The following CYP20A1 variants were observed in gnomAD, a reference collection of about 807,000 sequenced individuals.
CYP20A1 encodes cytochrome P450 family 20 subfamily A member 1.
Under a neutral mutation model 61.4 loss-of-function variants are expected in CYP20A1, and 61 were observed. That is an observed-to-expected ratio of 0.99 (90% CI 0.81 to 1.23). The LOEUF (loss-of-function observed/expected upper bound fraction) is 1.23. Ranked by LOEUF, CYP20A1 falls within the 50% of genes most tolerant of loss-of-function variation. The pLI, the probability that CYP20A1 is intolerant of heterozygous loss-of-function variation, is 0.00. For missense variants in CYP20A1, 530 were observed against 542.4 expected (o/e 0.98, Z 0.23); for synonymous variants, 193 against 188.2 (o/e 1.03, Z -0.21).
In CYP20A1 at chr2:203,283,211, A is replaced by ATTT. The variant is rs371972851; in HGVS notation, c.851-2380_851-2378dup. Among the ~76,000 whole-genome samples the ATTT allele has an allele frequency of 4.2e-3, 351 of 83,408 alleles. 1 individual carries two copies. Among genetic ancestry groups the ATTT allele is most frequent in the Middle Eastern group, 0.011 (1 of 88 alleles). 54.7% of individuals were successfully genotyped at this position (83,408 alleles called of 152,430 possible). ...CCACAAACCAAAAGTCAATGTGAGA[A>ATTT]TTTTTTTTTTTTTTTTTTTTTTTGA... On this transcript the variant is annotated intron_variant, in intron 8 of 12. Coordinates refer to ENST00000356079, the MANE Select transcript of CYP20A1 (RefSeq NM_177538.3).
chr2:203,291,582 T>A (rs2068534202), intron 10 of CYP20A1, among the ~76,000 whole-genome samples: 1 of 152,182 alleles, frequency 6.6e-6, no homozygotes, highest in Non-Finnish European at 1.5e-5. Context: ...CTAGTGAGCT[T>A]ATATATATTT....
Position 203,298,533 on chromosome 2 carries a change from C to CA in CYP20A1, c.*1643dup, listed in dbSNP as rs76767556. ...TGAAACCCCGTCTCTACTAAAAATA[C>CA]AAAAAAAAAAAAAAAAAATTAGCCA... On this transcript the variant is annotated 3_prime_UTR_variant, in exon 13 of 13. Transcript: ENST00000356079. Among the ~76,000 whole-genome samples, 103,291 of 124,552 alleles carry CA rather than the reference C, an allele frequency of 0.83. 42,642 individuals carry two copies. Among genetic ancestry groups the CA allele is most frequent in the Non-Finnish European group, 0.86 (52,589 of 61,422 alleles). 81.7% of individuals were successfully genotyped at this position (124,552 alleles called of 152,430 possible).
intron 2 of CYP20A1, among the ~76,000 whole-genome samples, chr2:203,246,454 A>C (rs548473067): frequency 1.3e-5 from 2 of 152,360 alleles, no homozygotes; most frequent in African/African-American, 4.8e-5. Context: ...TTGTCATCTC[A>C]GAATTAGGTG....
intron 5 of CYP20A1, 138 bp from the exon 6 acceptor site, chr2:203,272,532 A>C (rs1417604689): frequency 1.4e-5 from 6 of 440,216 alleles, no homozygotes; most frequent in Non-Finnish European, 2.3e-5. Flanking sequence ...CCTAGGTGAC[A>C]GAGCCGGAAC....
rs1161054970 is a variant in CYP20A1, at chr2:203,298,241, T to G, written c.*1333T>G. On this transcript the variant is annotated 3_prime_UTR_variant, in exon 13 of 13. Coordinates refer to ENST00000356079, the MANE Select transcript of CYP20A1 (RefSeq NM_177538.3). The stretch of plus-strand genomic sequence containing the variant: ...TGCCTCTACAAATATACAAAAAAAT[T>G]ACTGGGCATGGTGACACACACCTGT... The G allele has an allele frequency of 1.3e-5, 2 of 158,868 alleles. No individual in the cohort carries two copies. Among genetic ancestry groups the G allele is most frequent in the Non-Finnish European group, 2.8e-5 (2 of 72,552 alleles). 9.8% of individuals were successfully genotyped at this position (158,868 alleles called of 1,614,324 possible).
intron 10 of CYP20A1, 70 bp from the exon 11 acceptor site, chr2:203,292,192 A>G (rs978818701): frequency 1.5e-5 from 14 of 924,522 alleles, no homozygotes; most frequent in East Asian, 2.4e-5. Flanking sequence ...GAAGTTTGGA[A>G]TAAGTTGACT....
intron 6 of CYP20A1, among the ~76,000 whole-genome samples, chr2:203,274,457 A>AT (rs2067732007): frequency 6.6e-6 from 1 of 152,150 alleles, no homozygotes; most frequent in African/African-American, 2.4e-5. Context: ...AAGTGCTGGG[A>AT]TTACAGGTGT....
chr2:203,260,118 G>A (rs923253438), intron 4 of CYP20A1, among the ~76,000 whole-genome samples: 1 of 151,890 alleles, frequency 6.6e-6, no homozygotes, highest in Admixed American at 6.6e-5. Flanking sequence ...GTAGAGACAG[G>A]GTTTCACCAT....
At chr2:203,293,214 C>CA (rs1553518766) in intron 11 of CYP20A1, among the ~76,000 whole-genome samples, 1 of 128,902 alleles carries the variant, frequency 7.8e-6, no homozygotes, top group Non-Finnish European at 1.6e-5. Flanking sequence ...GAATTTCTCT[C>CA]TCTTTTTTTT....
chr2:203,249,241 G>A (rs1241992472), intron 3 of CYP20A1, among the ~76,000 whole-genome samples: 1 of 152,160 alleles, frequency 6.6e-6, no homozygotes, highest in East Asian at 1.9e-4. Flanking sequence ...TTGAATGGAT[G>A]CGGTAGCACA....
chr2:203,285,779 C>G, intron 9 of CYP20A1, 47 bp downstream of exon 9: 2 of 1,464,852 alleles, frequency 1.4e-6, no homozygotes, highest in East Asian at 4.8e-5. Context: ...TAAATTTGAA[C>G]TGGTTTATCT....
At position 203,305,585 on chromosome 2, in the gene CYP20A1, A is replaced by G. The variant is rs186321046; in HGVS notation, c.*8677A>G. On this transcript the variant is annotated 3_prime_UTR_variant, in exon 13 of 13. Coordinates refer to ENST00000356079, the MANE Select transcript of CYP20A1 (RefSeq NM_177538.3). ...TTGTTATAGTATGTGATAAAATGCC[A>G]TGATCAAATAAATTACTTATATCCT... The G allele has an allele frequency of 2.6e-5, 4 of 152,306 alleles. No homozygotes were observed. The highest frequency in any genetic ancestry group is 6.5e-5 in the Admixed American group (1 of 15,272). The allele number at this position is 152,306 out of a possible 1,614,324, so 9.4% of individuals were successfully genotyped here.
At chr2:203,287,147 A>T (rs2068307403) in intron 9 of CYP20A1, among the ~76,000 whole-genome samples, 1 of 149,984 alleles carries the variant, frequency 6.7e-6, no homozygotes, top group African/African-American at 2.5e-5. Context: ...TGAGCCCAGG[A>T]AGTCCAGGCT....
rs975262580 is a variant in CYP20A1 at position 203,255,286 on chromosome 2, C to G, written c.432+3177C>G. Among the ~76,000 whole-genome samples, 7 of 152,202 alleles carry G rather than the reference C, an allele frequency of 4.6e-5. 1 individual carries two copies. In the East Asian group the frequency reaches 1.3e-3, roughly 29 times the overall value. The stretch of plus-strand genomic sequence containing the variant: ...TAGCTAAAGCAAACCAATATAGTTA[C>G]AAAATATTAATACTTTTTAAAAAAA... On this transcript the variant is annotated intron_variant, in intron 4 of 12. Transcript: ENST00000356079.
intron 8 of CYP20A1, 97 bp from the exon 9 acceptor site, chr2:203,285,515 A>G (rs2068227689): frequency 5.9e-6 from 8 of 1,357,194 alleles, no homozygotes; most frequent in East Asian, 2.5e-5. Context: ...AAAAGCAAAT[A>G]CAAAAATCCC....
rs770748124 is a variant in CYP20A1, at chr2:203,303,091, C to T, written c.*6183C>T. Reference sequence around the variant, plus strand: ...TCTTGGCTCACTGCAACCCCTGCCTCCCAGGTTCAAGCAATTCTCCTGCCT... The same window carrying T: ...TCTTGGCTCACTGCAACCCCTGCCTTCCAGGTTCAAGCAATTCTCCTGCCT... On this transcript the variant is annotated 3_prime_UTR_variant, in exon 13 of 13. Transcript: ENST00000356079. 6.6e-6 allele frequency among the ~76,000 whole-genome samples: 1 copy of T among 152,096 alleles called. No individual in the cohort carries two copies. The highest frequency in any genetic ancestry group is 1.5e-5 in the Non-Finnish European group (1 of 68,028).
intron 4 of CYP20A1, among the ~76,000 whole-genome samples, chr2:203,253,355 C>A (rs1419213617): frequency 6.6e-6 from 1 of 152,162 alleles, no homozygotes; most frequent in Non-Finnish European, 1.5e-5. Flanking sequence ...CCTGGGGTGA[C>A]AGGTCTCCCC....
intron 4 of CYP20A1, among the ~76,000 whole-genome samples, chr2:203,257,555 C>A (rs1008877665): frequency 6.6e-6 from 1 of 151,670 alleles, no homozygotes. Context: ...TTTGGGGGGC[C>A]GACGCAGGTG....
At chr2:203,249,098 A>C (rs1196036943) in intron 3 of CYP20A1, among the ~76,000 whole-genome samples, 1 of 152,236 alleles carries the variant, frequency 6.6e-6, no homozygotes, top group Non-Finnish European at 1.5e-5. Flanking sequence ...GTTAAATATT[A>C]AATTTTTTCT....
Sources: gnomAD v4.1 joint callset for allele counts (sites outside exome capture counted in the v4.1 genomes callset) on GRCh38, gnomAD v4.1.1 for gene constraint, MANE v1.5 for transcripts, NCBI Gene and HGNC (gene_info 2026-07-23, HGNC 2026-07-21) for gene names.